Variants in IQGAP2 observed in about 807,000 individuals in gnomAD.
IQGAP2 encodes the protein IQ motif containing GTPase activating protein 2.
In IQGAP2, 173 loss-of-function variants were observed where a neutral mutation model predicts 201.3. The observed-to-expected ratio is 0.86, with a 90% CI of 0.76 to 0.98. IQGAP2 has a LOEUF of 0.98. IQGAP2 is among the 50% of genes least tolerant of loss of function. The pLI, the probability that IQGAP2 is intolerant of heterozygous loss-of-function variation, is 0.00. For synonymous variants in IQGAP2, 675 were observed against 673.9 expected (o/e 1.00, Z -0.03); for missense variants, 1,687 against 1,864.8 (o/e 0.90, Z 1.76).
intron 2 of IQGAP2, among the ~76,000 whole-genome samples, chr5:76,504,828 C>T (rs1028605882): frequency 1.3e-5 from 2 of 152,136 alleles, no homozygotes; most frequent in East Asian, 3.9e-4. Flanking sequence ...TACATTTTAT[C>T]AGTTTAGATT....
chr5:76,431,021 A>G (rs1456316607), intron 1 of IQGAP2, among the ~76,000 whole-genome samples: 1 of 152,156 alleles, frequency 6.6e-6, no homozygotes, highest in South Asian at 2.1e-4. Flanking sequence ...AAGTGAAAAG[A>G]TTGTTTACAG....
Position 76,621,021 on chromosome 5 carries a change from T to C in IQGAP2, c.1522-6389T>C, listed in dbSNP as rs376014042. Among the ~76,000 whole-genome samples, 6 of 152,356 alleles carry C rather than the reference T, an allele frequency of 3.9e-5. 1 individual carries two copies. The highest frequency in any genetic ancestry group is 1.4e-4 in the African/African-American group (6 of 41,580). ...TTCTCCCAGATTTCTAATGTTACCTTTAAGATAGACTTCTATGCCAAATAT... is the reference window on the plus strand; with the variant it reads ...TTCTCCCAGATTTCTAATGTTACCTCTAAGATAGACTTCTATGCCAAATAT... On this transcript the variant is annotated intron_variant, in intron 13 of 35. Transcript: ENST00000274364.
intron 2 of IQGAP2, among the ~76,000 whole-genome samples, chr5:76,499,457 G>A (rs1048796626): frequency 6.6e-6 from 1 of 152,168 alleles, no homozygotes; most frequent in African/African-American, 2.4e-5. Context: ...TTAAAGGGGA[G>A]AGATACCATC....
intron 28 of IQGAP2, among the ~76,000 whole-genome samples, chr5:76,682,352 G>A (rs896346559): frequency 2.0e-5 from 3 of 151,906 alleles, no homozygotes; most frequent in South Asian, 2.1e-4. Flanking sequence ...TACTAGTTCC[G>A]TACTTTGGAA....
At chr5:76,678,239 A>G (rs1312496387) in intron 28 of IQGAP2, among the ~76,000 whole-genome samples, 1 of 152,076 alleles carries the variant, frequency 6.6e-6, no homozygotes, top group Admixed American at 6.5e-5. Flanking sequence ...GGAAACCCCC[A>G]TTTCTCGGAA....
At chr5:76,579,242 T>C (rs919636087) in intron 5 of IQGAP2, among the ~76,000 whole-genome samples, 1 of 152,158 alleles carries the variant, frequency 6.6e-6, no homozygotes, top group Non-Finnish European at 1.5e-5. Flanking sequence ...TTGGCTATTA[T>C]ATTATTTTGA....
chr5:76,553,101 G>A (rs995239844), intron 2 of IQGAP2, among the ~76,000 whole-genome samples: 2 of 152,122 alleles, frequency 1.3e-5, no homozygotes, highest in African/African-American at 2.4e-5. Context: ...GTTCCCCTGG[G>A]CTAATAAGGC....
intron 2 of IQGAP2, among the ~76,000 whole-genome samples, chr5:76,479,238 C>T (rs908600023): frequency 3.9e-5 from 6 of 152,296 alleles, no homozygotes; most frequent in Admixed American, 1.3e-4. Context: ...CATTCTCACT[C>T]GCTGTACCCC....
intron 1 of IQGAP2, among the ~76,000 whole-genome samples, chr5:76,454,655 G>A (rs1330654871): frequency 5.3e-5 from 8 of 150,740 alleles, no homozygotes; most frequent in African/African-American, 2.0e-4. Context: ...GTATTCCATG[G>A]TGTATATGTG....
chr5:76,682,890 A>C (rs1358347425), intron 28 of IQGAP2, among the ~76,000 whole-genome samples: 2 of 152,182 alleles, frequency 1.3e-5, no homozygotes, highest in African/African-American at 4.8e-5. Flanking sequence ...CCTTGCTGAA[A>C]AAGGGTTTAT....
At chr5:76,438,658 G>A (rs2150101595) in intron 1 of IQGAP2, among the ~76,000 whole-genome samples, 1 of 152,174 alleles carries the variant, frequency 6.6e-6, no homozygotes, top group South Asian at 2.1e-4. Flanking sequence ...GGCCAGGATG[G>A]TCTCAAACTC....
At chr5:76,663,782 G>A (rs1424826418) in intron 21 of IQGAP2, among the ~76,000 whole-genome samples, 5 of 151,754 alleles carry the variant, frequency 3.3e-5, no homozygotes, top group Non-Finnish European at 7.4e-5. Flanking sequence ...ATCCTCCCAT[G>A]TTGGCCTCCC....
intron 13 of IQGAP2, among the ~76,000 whole-genome samples, chr5:76,619,813 C>G (rs561706200): frequency 1.1e-3 from 162 of 152,178 alleles, no homozygotes; most frequent in South Asian, 2.1e-3. Context: ...CCACCGCGCC[C>G]GGCCAGTTAA....
At chr5:76,516,854 T>C (rs1309170197) in intron 2 of IQGAP2, among the ~76,000 whole-genome samples, 1 of 152,248 alleles carries the variant, frequency 6.6e-6, no homozygotes, top group African/African-American at 2.4e-5. Flanking sequence ...AAAGACTAGC[T>C]GCTATCTTAA....
At chr5:76,684,707 A>G (rs541457437) in intron 30 of IQGAP2, among the ~76,000 whole-genome samples, 23 of 152,346 alleles carry the variant, frequency 1.5e-4, no homozygotes, top group African/African-American at 5.5e-4. Flanking sequence ...GTGTTGAAAC[A>G]ATACGAAACA....
chr5:76,613,785 C>A (rs947909811), intron 13 of IQGAP2, among the ~76,000 whole-genome samples: 2 of 152,136 alleles, frequency 1.3e-5, no homozygotes, highest in African/African-American at 4.8e-5. Flanking sequence ...ACCTCCACCT[C>A]CCAGGTTCAA....
chr5:76,610,973 T>C (rs1748351338), intron 12 of IQGAP2, 47 bp from the exon 13 acceptor site: 1 of 1,506,152 alleles, frequency 6.6e-7, no homozygotes, highest in Non-Finnish European at 9.1e-7. Flanking sequence ...CTAAAGAAGT[T>C]ATAATGTACT....
At chr5:76,431,715 C>T (rs1752377334) in intron 1 of IQGAP2, among the ~76,000 whole-genome samples, 1 of 150,684 alleles carries the variant, frequency 6.6e-6, no homozygotes, top group South Asian at 2.1e-4. Context: ...CCCAGCTACT[C>T]AGGAAGCTGA....
chr5:76,520,872 T>C (rs1197938701), intron 2 of IQGAP2, among the ~76,000 whole-genome samples: 1 of 151,334 alleles, frequency 6.6e-6, no homozygotes, highest in Non-Finnish European at 1.5e-5. Flanking sequence ...CATGCCCGGC[T>C]AATTTTTTGT....
Sources: gnomAD v4.1 joint callset for allele counts (sites outside exome capture counted in the v4.1 genomes callset) on GRCh38, gnomAD v4.1.1 for gene constraint, MANE v1.5 for transcripts, NCBI Gene and HGNC (gene_info 2026-07-23, HGNC 2026-07-21) for gene names.